EPHA6: variants seen among roughly 807,000 people sequenced by gnomAD.
EPHA6 encodes the protein EPH receptor A6.
EPHA6 carries 50 observed loss-of-function variants against 112.0 expected under a neutral mutation model. The observed-to-expected ratio is 0.45, with a 90% CI of 0.36 to 0.56. The LOEUF is 0.56. Ranked by LOEUF, EPHA6 falls within the 20% of genes least tolerant of loss-of-function variation. The pLI, the probability that EPHA6 is intolerant of heterozygous loss-of-function variation, is 0.00. For missense variants in EPHA6, 1,280 were observed against 1,417.4 expected (o/e 0.90, Z 1.56); for synonymous variants, 529 against 490.7 (o/e 1.08, Z -1.03).
chr3:96,966,564 C>A (rs2042127297), intron 2 of EPHA6, among the ~76,000 whole-genome samples: 1 of 152,024 alleles, frequency 6.6e-6, no homozygotes, highest in South Asian at 2.1e-4. Flanking sequence ...TTTGTTGTTA[C>A]TGTTATTACT....
chr3:97,062,635 C>T (rs575015374), intron 3 of EPHA6, among the ~76,000 whole-genome samples: 18 of 152,160 alleles, frequency 1.2e-4, no homozygotes, highest in South Asian at 4.2e-4. Flanking sequence ...ATGATGTGGG[C>T]GGTTCCCCCA....
chr3:97,699,561 T>C (rs573445997), intron 14 of EPHA6, among the ~76,000 whole-genome samples: 52 of 152,292 alleles, frequency 3.4e-4, no homozygotes, highest in Middle Eastern at 3.4e-3. Context: ...GCAGTGTGGT[T>C]CAAGAATCTT....
At chr3:97,522,152 T>A (rs1356288248) in intron 10 of EPHA6, among the ~76,000 whole-genome samples, 3 of 152,068 alleles carry the variant, frequency 2.0e-5, no homozygotes, top group African/African-American at 7.2e-5. Flanking sequence ...CCTCAAGTGA[T>A]CCTCCCACCT....
chr3:96,889,134 G>C (rs1425450158), intron 2 of EPHA6, among the ~76,000 whole-genome samples: 2 of 152,126 alleles, frequency 1.3e-5, no homozygotes, highest in African/African-American at 4.8e-5. Flanking sequence ...ATATCAGCCT[G>C]GACTTTACTG....
At position 97,071,198 on chromosome 3, in the gene EPHA6, A is replaced by G. The variant is rs190619437; in HGVS notation, c.1114+83205A>G. Among the ~76,000 whole-genome samples, 25 of 152,028 alleles carry G rather than the reference A, an allele frequency of 1.6e-4. No homozygotes were observed. The East Asian group carries it at 4.5e-3, about 27-fold the overall frequency. ...CACTATTCCTTCTTCAGCTTGCTAT[A>G]CTGTTCACTCTTGCCATTCTTTTGT... On this transcript the variant is annotated intron_variant, in intron 3 of 17. Coordinates refer to ENST00000389672, the MANE Select transcript of EPHA6 (RefSeq NM_001080448.3).
intron 3 of EPHA6, among the ~76,000 whole-genome samples, chr3:97,165,771 C>A (rs2076527316): frequency 6.6e-6 from 1 of 152,114 alleles, no homozygotes; most frequent in African/African-American, 2.4e-5. Flanking sequence ...TAAGGAGCTT[C>A]TCCATATGGG....
intron 11 of EPHA6, among the ~76,000 whole-genome samples, chr3:97,580,601 G>T (rs1315550829): frequency 2.0e-5 from 3 of 152,178 alleles, no homozygotes; most frequent in African/African-American, 7.2e-5. Context: ...AGTTGAAAAT[G>T]GTGGCACAGC....
intron 2 of EPHA6, among the ~76,000 whole-genome samples, chr3:96,889,098 C>A (rs1380388843): frequency 6.6e-6 from 1 of 152,160 alleles, no homozygotes; most frequent in Non-Finnish European, 1.5e-5. Flanking sequence ...TAGTTCCCAA[C>A]AAGTTCCTCA....
At chr3:96,956,381 T>C (rs945519903) in intron 2 of EPHA6, among the ~76,000 whole-genome samples, 2 of 152,196 alleles carry the variant, frequency 1.3e-5, no homozygotes, top group African/African-American at 4.8e-5. Context: ...AAGATAATGT[T>C]AGTCCAGCAG....
At chr3:97,034,247 A>G (rs1378802756) in intron 3 of EPHA6, among the ~76,000 whole-genome samples, 1 of 151,926 alleles carries the variant, frequency 6.6e-6, no homozygotes, top group African/African-American at 2.4e-5. Flanking sequence ...TCATGTTTCT[A>G]TGAAAAACAG....
At position 96,838,096 on chromosome 3, in the gene EPHA6, G is replaced by A. The variant is rs1273311430; in HGVS notation, c.385+23088G>A. 2.1e-5 allele frequency among the ~76,000 whole-genome samples: 3 copies of A among 145,356 alleles called. No individual in the cohort carries two copies. The Admixed American group carries it at 2.1e-4, about 10-fold the overall frequency. On this transcript the variant is annotated intron_variant, in intron 1 of 17. Transcript: ENST00000389672. ...TGCGCCCCCCTGCCCCCCACCCAAT[G>A]TGTCCATATGTTTACATCATTCAGC...
intron 3 of EPHA6, among the ~76,000 whole-genome samples, chr3:97,215,295 T>C (rs916422263): frequency 6.6e-6 from 1 of 152,266 alleles, no homozygotes; most frequent in African/African-American, 2.4e-5. Flanking sequence ...TATTCATTTC[T>C]TATTTTTTGT....
At chr3:97,177,321 AT>A in intron 3 of EPHA6, among the ~76,000 whole-genome samples, 1 of 151,968 alleles carries the variant, frequency 6.6e-6, no homozygotes, top group Non-Finnish European at 1.5e-5. Context: ...AGAATGATCC[AT>A]CTGCTGAGGA....
At chr3:97,125,758 G>C (rs1295995837) in intron 3 of EPHA6, among the ~76,000 whole-genome samples, 2 of 152,098 alleles carry the variant, frequency 1.3e-5, no homozygotes, top group Non-Finnish European at 2.9e-5. Flanking sequence ...TTAATTATCA[G>C]TTAAATTACA....
At chr3:97,194,421 G>A (rs1378329970) in intron 3 of EPHA6, among the ~76,000 whole-genome samples, 3 of 151,728 alleles carry the variant, frequency 2.0e-5, no homozygotes, top group Non-Finnish European at 4.4e-5. Flanking sequence ...TTCTATTGTG[G>A]TCAGAGAAAA....
chr3:97,160,145 G>A (rs952078658), intron 3 of EPHA6, among the ~76,000 whole-genome samples: 3 of 152,044 alleles, frequency 2.0e-5, no homozygotes, highest in Non-Finnish European at 4.4e-5. Context: ...GAGCTCATTG[G>A]GTAATGACAA....
intron 2 of EPHA6, among the ~76,000 whole-genome samples, chr3:96,931,816 C>T (rs549113468): frequency 6.6e-6 from 1 of 152,278 alleles, no homozygotes; most frequent in African/African-American, 2.4e-5. Context: ...CTGCTTGGCT[C>T]CCTGGATTCA....
At chr3:96,930,581 C>T (rs2040261754) in intron 2 of EPHA6, among the ~76,000 whole-genome samples, 2 of 152,154 alleles carry the variant, frequency 1.3e-5, no homozygotes. Flanking sequence ...TCTGGAAGCT[C>T]CATCCCAGGG....
chr3:96,970,238 T>TACACACACAC (rs370673260), intron 2 of EPHA6, among the ~76,000 whole-genome samples: 6 of 143,902 alleles, frequency 4.2e-5, no homozygotes, highest in African/African-American at 1.3e-4. Context: ...TGCCTCTTCA[T>TACACACACAC]ACACACACAC....
Sources: gnomAD v4.1 joint callset for allele counts (sites outside exome capture counted in the v4.1 genomes callset) on GRCh38, gnomAD v4.1.1 for gene constraint, MANE v1.5 for transcripts, NCBI Gene and HGNC (gene_info 2026-07-23, HGNC 2026-07-21) for gene names.